Variants in CREBBP observed in about 807,000 individuals in gnomAD.
CREBBP encodes CREB binding lysine acetyltransferase.
In CREBBP, 19 loss-of-function variants were observed where a neutral mutation model predicts 265.0. The ratio of observed to expected loss-of-function variants is 0.07; its 90% CI spans 0.05 to 0.11. CREBBP has a LOEUF of 0.11. Among genes scored for constraint, CREBBP ranks in the 10% least tolerant of loss-of-function variants. The pLI, the probability that CREBBP is intolerant of heterozygous loss-of-function variation, is 1.00. For synonymous variants in CREBBP, 1,457 were observed against 1,223.7 expected, an observed-to-expected ratio of 1.19 and a Z score of -3.98; for missense variants, 2,525 against 3,219.0, an observed-to-expected ratio of 0.78 and a Z score of 5.22.
At chr16:3,755,662 A>C (rs1246978356) in intron 19 of CREBBP, among the ~76,000 whole-genome samples, 1 of 152,186 alleles carries the variant, frequency 6.6e-6, no homozygotes, top group African/African-American at 2.4e-5. Flanking sequence ...AGAACTTCCC[A>C]AAGAGCAGCA....
At position 3,744,931 on chromosome 16, in the gene CREBBP, A is replaced by G; in HGVS notation, c.3945T>C (p.Thr1315=). 6.2e-7 allele frequency: 1 copy of G among 1,614,104 alleles called. No homozygotes were observed. The highest frequency in any genetic ancestry group is 8.5e-7 in the Non-Finnish European group (1 of 1,179,940). ...ATTTGTTTTCTTTTCGAGGTCTGCC[A>G]GTTTTCTTCAAGCAGTTGTCGCACA... is the stretch of plus-strand genomic sequence containing the variant. ...GFVCDNCLKK[T]GRPRKENKFS... is the part of the protein sequence containing the mutation. The change falls in exon 23 of 31, where the codon ACT becomes ACC. Residue 1315 remains threonine (T), a synonymous_variant. Transcript: ENST00000262367.
chr16:3,729,985 GCAGGATAGGAGACCCAGA>G, intron 30 of CREBBP, 111 bp from the exon 31 acceptor site: 1 of 1,525,794 alleles, frequency 6.6e-7, no homozygotes, highest in East Asian at 2.4e-5. Flanking sequence ...GGAGACCCAG[GCAGGATAGGAGACCCAGA>G]CAGGATGCGA....
chr16:3,810,396 A>C (rs1012667664), intron 3 of CREBBP, among the ~76,000 whole-genome samples: 37 of 151,982 alleles, frequency 2.4e-4, no homozygotes, highest in African/African-American at 8.0e-4. Context: ...AGAGCGGCTG[A>C]ATCATCCTCA....
At chr16:3,865,252 C>T (rs561395206) in intron 1 of CREBBP, among the ~76,000 whole-genome samples, 29 of 152,232 alleles carry the variant, frequency 1.9e-4, no homozygotes, top group East Asian at 1.9e-4. Flanking sequence ...TTTGCCTGTC[C>T]GCATAACTTT....
intron 2 of CREBBP, among the ~76,000 whole-genome samples, chr16:3,814,612 C>T (rs1019392952): frequency 6.6e-6 from 1 of 152,066 alleles, no homozygotes; most frequent in African/African-American, 2.4e-5. Flanking sequence ...TGACAGATTT[C>T]ATCAAAAACG....
chr16:3,879,627 C>G (rs1396858125), intron 1 of CREBBP, among the ~76,000 whole-genome samples: 3 of 152,084 alleles, frequency 2.0e-5, no homozygotes, highest in African/African-American at 4.8e-5. Flanking sequence ...GCCGAGTGCA[C>G]CGGGCGTGTG....
In CREBBP at chr16:3,769,348, G is replaced by A. The variant is rs764257155; in HGVS notation, c.2886C>T (p.Ser962=). 6.2e-6 allele frequency: 10 copies of A among 1,614,018 alleles called. No individual in the cohort carries two copies. ...TGTTATCAATGCTGGCTGCTGCCTG[G>A]GAAAGCTGTGAAAAAACCGAAAGCA... is the stretch of plus-strand genomic sequence containing the variant. The part of the protein sequence containing the change: ...VHAQPPGTPL[S]QAAASIDNRV... The change falls in exon 15 of 31, where the codon TCC becomes TCT. Residue 962 remains serine, a synonymous_variant. Coordinates refer to ENST00000262367, the MANE Select transcript of CREBBP (RefSeq NM_004380.3).
chr16:3,765,025 G>A (rs2052815791), intron 16 of CREBBP, among the ~76,000 whole-genome samples: 1 of 151,894 alleles, frequency 6.6e-6, no homozygotes, highest in East Asian at 1.9e-4. Context: ...TGTCTCCCAG[G>A]CTGGAGTGCA....
intron 30 of CREBBP, among the ~76,000 whole-genome samples, chr16:3,730,852 T>C (rs1370675369): frequency 6.6e-6 from 1 of 152,128 alleles, no homozygotes; most frequent in Non-Finnish European, 1.5e-5. Flanking sequence ...CGGGGGGTCC[T>C]TCAGGAACAA....
chr16:3,782,653 T>G, intron 6 of CREBBP, 31 bp downstream of exon 6: 1 of 1,612,986 alleles, frequency 6.2e-7, no homozygotes, highest in Non-Finnish European at 8.5e-7. Context: ...TGTGGACAAG[T>G]AAGAACGAAG....
At chr16:3,814,096 T>C (rs775286941) in intron 2 of CREBBP, among the ~76,000 whole-genome samples, 1 of 152,176 alleles carries the variant, frequency 6.6e-6, no homozygotes, top group Admixed American at 6.5e-5. Flanking sequence ...AGGGTGAGTA[T>C]GAGTGTGTGA....
intron 8 of CREBBP, among the ~76,000 whole-genome samples, chr16:3,779,702 G>A (rs930317394): frequency 4.6e-5 from 7 of 152,034 alleles, no homozygotes; most frequent in African/African-American, 9.7e-5. Flanking sequence ...AGAATAACAC[G>A]ATTTTCAAAT....
chr16:3,847,248 T>C (rs1269100468), intron 2 of CREBBP, among the ~76,000 whole-genome samples: 4 of 152,238 alleles, frequency 2.6e-5, no homozygotes, highest in Non-Finnish European at 5.9e-5. Context: ...TTTAAATCTT[T>C]ATCTGTAAGG....
At chr16:3,771,116 T>A (rs1001478076) in intron 13 of CREBBP, 130 bp from the exon 14 acceptor site, 2 of 932,622 alleles carry the variant, frequency 2.1e-6, no homozygotes, top group African/African-American at 3.3e-5. Flanking sequence ...TCGCCCAGGC[T>A]GCAATGCAAT....
chr16:3,818,700 A>C lies in CREBBP; in HGVS notation c.799-7921T>G, dbSNP rs564853106. 5.9e-5 allele frequency among the ~76,000 whole-genome samples: 9 copies of C among 152,282 alleles called. No homozygotes were observed. In the South Asian group the frequency reaches 1.2e-3, roughly 21 times the overall value. On this transcript the variant is annotated intron_variant, in intron 2 of 30. Transcript: ENST00000262367. Reference sequence around the variant, plus strand: ...CTTCAGCAGTTTTCCTCACACCTCAAGACACGCCTCAAGCCACAATACACA... The same window carrying C: ...CTTCAGCAGTTTTCCTCACACCTCACGACACGCCTCAAGCCACAATACACA...
chr16:3,777,474 T>A, intron 11 of CREBBP, 139 bp downstream of exon 11: 1 of 902,212 alleles, frequency 1.1e-6, no homozygotes, highest in Admixed American at 1.8e-5. Flanking sequence ...CCTGTAGAAC[T>A]GAATTCTGCT....
At chr16:3,852,035 C>CAAAAAAAAAAAAAAAAAAAAA (rs551018184) in intron 1 of CREBBP, among the ~76,000 whole-genome samples, 2 of 11,200 alleles carry the variant, frequency 1.8e-4, no homozygotes, top group African/African-American at 2.7e-4. Flanking sequence ...GACTCCATCT[C>CAAAAAAAAAAAAAAAAAAAAA]AAAAAAAAAA....
At chr16:3,872,394 G>A (rs2141589666) in intron 1 of CREBBP, among the ~76,000 whole-genome samples, 1 of 152,214 alleles carries the variant, frequency 6.6e-6, no homozygotes, top group South Asian at 2.1e-4. Context: ...CTCTGCTCGT[G>A]GCCTATTGTA....
intron 3 of CREBBP, among the ~76,000 whole-genome samples, chr16:3,797,851 G>A (rs117798634): frequency 0.022 from 3,393 of 152,098 alleles, 56 homozygotes; most frequent in Admixed American, 0.034. Flanking sequence ...AAAACTTTTA[G>A]GACATGAGGA....
Sources: allele counts gnomAD v4.1 joint callset (sites outside exome capture counted in the v4.1 genomes callset), GRCh38; gene constraint gnomAD v4.1.1; transcripts MANE v1.5; gene names NCBI Gene and HGNC (gene_info 2026-07-23, HGNC 2026-07-21).